Variants in ANTXR1 observed in about 807,000 individuals in gnomAD.
ANTXR1 encodes ANTXR cell adhesion molecule 1, also known as anthrax toxin receptor 1.
In ANTXR1, 19 loss-of-function variants were observed where a neutral mutation model predicts 78.1. The observed-to-expected ratio is 0.24, with a 90% CI of 0.17 to 0.36. The LOEUF (loss-of-function observed/expected upper bound fraction) is 0.36. ANTXR1 is among the 10% of genes least tolerant of loss of function. ANTXR1 has a pLI of 1.00. For synonymous variants in ANTXR1, 273 were observed against 260.5 expected, an observed-to-expected ratio of 1.05 and a Z score of -0.46; for missense variants, 518 against 718.6, an observed-to-expected ratio of 0.72 and a Z score of 3.19.
chr2:69,245,101 C>T (rs1054722329), intron 17 of ANTXR1, 124 bp from the exon 18 acceptor site: 24 of 1,097,926 alleles, frequency 2.2e-5, no homozygotes, highest in African/African-American at 4.6e-5. Context: ...CTATGTGCCA[C>T]TAGAGAGTTG....
At chr2:69,120,870 T>G (rs1362453100) in intron 10 of ANTXR1, among the ~76,000 whole-genome samples, 5 of 152,228 alleles carry the variant, frequency 3.3e-5, no homozygotes, top group African/African-American at 1.2e-4. Flanking sequence ...AGCTTCATCA[T>G]GGCCTATGTG....
intron 3 of ANTXR1, among the ~76,000 whole-genome samples, chr2:69,053,845 A>G (rs1331102727): frequency 6.6e-6 from 1 of 152,188 alleles, no homozygotes; most frequent in Non-Finnish European, 1.5e-5. Context: ...TGGCAACACC[A>G]TCTTTTTAAC....
chr2:69,118,819 G>A (rs1021174963), intron 10 of ANTXR1, among the ~76,000 whole-genome samples: 1 of 152,156 alleles, frequency 6.6e-6, no homozygotes, highest in Non-Finnish European at 1.5e-5. Flanking sequence ...CTGAGTTATG[G>A]AAACCAAATG....
chr2:69,231,159 A>G (rs1353658610), intron 17 of ANTXR1, among the ~76,000 whole-genome samples: 1 of 152,242 alleles, frequency 6.6e-6, no homozygotes, highest in Non-Finnish European at 1.5e-5. Flanking sequence ...ATGGCTGCAT[A>G]GTATTCCATG....
intron 17 of ANTXR1, among the ~76,000 whole-genome samples, chr2:69,205,779 A>G (rs1035891412): frequency 2.6e-5 from 4 of 152,096 alleles, no homozygotes; most frequent in Admixed American, 1.3e-4. Flanking sequence ...TAATAAGGAG[A>G]GAGAATTCAC....
chr2:69,053,838 C>T (rs1455071817), intron 3 of ANTXR1, among the ~76,000 whole-genome samples: 1 of 152,154 alleles, frequency 6.6e-6, no homozygotes, highest in Non-Finnish European at 1.5e-5. Context: ...TACTCACTGG[C>T]AACACCATCT....
chr2:69,184,968 T>C (rs1674383691), intron 16 of ANTXR1, among the ~76,000 whole-genome samples: 1 of 152,210 alleles, frequency 6.6e-6, no homozygotes, highest in Non-Finnish European at 1.5e-5. Context: ...GTGAAACTCC[T>C]TTTGTTCACA....
chr2:69,182,637 C>G lies in ANTXR1; in HGVS notation c.1330C>G (p.Arg444Gly). 4 of 1,614,142 alleles carry G rather than the reference C, an allele frequency of 2.5e-6. No individual in the cohort carries two copies. The highest frequency in any genetic ancestry group is 2.5e-6 in the Non-Finnish European group (3 of 1,180,042). Residue 444 changes from arginine (R) to glycine (G), a missense_variant, in exon 16 of 18, where the codon CGG becomes GGG. Physicochemically the swap from Arg to Gly is moderately radical, Grantham distance 125. This residue lies in a region of ANTXR1 where 192 missense variants were observed against 230.2 expected (regional missense o/e 0.83). Transcript: ENST00000303714. Reference sequence around the variant, plus strand: ...CAATATGCGTCGGCCTTCTTCCCCCCGGAAGTGGTACTCTCCAATCAAGGT... The same window carrying G: ...CAATATGCGTCGGCCTTCTTCCCCCGGGAAGTGGTACTCTCCAATCAAGGT... The part of the protein sequence containing the change: ...NNNMRRPSSP[R>G]KWYSPIKGKL...
chr2:69,099,493 G>A (rs1417277415), intron 9 of ANTXR1, among the ~76,000 whole-genome samples: 1 of 152,186 alleles, frequency 6.6e-6, no homozygotes, highest in African/African-American at 2.4e-5. Flanking sequence ...TAAGGTAACT[G>A]TGTTTAACTT....
intron 17 of ANTXR1, among the ~76,000 whole-genome samples, chr2:69,242,024 C>A (rs905576010): frequency 1.3e-5 from 2 of 152,120 alleles, no homozygotes; most frequent in African/African-American, 4.8e-5. Context: ...GAGCTCTGGG[C>A]TTTTGTGCTC....
chr2:69,120,089 G>A (rs747258362), intron 10 of ANTXR1, among the ~76,000 whole-genome samples: 11 of 152,132 alleles, frequency 7.2e-5, no homozygotes, highest in Non-Finnish European at 1.0e-4. Context: ...AAACATCATC[G>A]CTTAGCCTCG....
At chr2:69,064,087 T>G (rs1670322956) in intron 3 of ANTXR1, among the ~76,000 whole-genome samples, 1 of 152,056 alleles carries the variant, frequency 6.6e-6, no homozygotes, top group Non-Finnish European at 1.5e-5. Context: ...AGACTTACAT[T>G]AAATATAAAA....
Position 69,013,487 on chromosome 2 carries a change from CG to C in ANTXR1, c.-10del. On this transcript the variant is annotated 5_prime_UTR_variant, in exon 1 of 18. Coordinates refer to ENST00000303714, the MANE Select transcript of ANTXR1 (RefSeq NM_032208.3). This position sits in a 1 kb window ranked among gnomAD's most constrained non-coding sequence, Gnocchi z 5.0. ...GGGAAGGAGCGGACCCTGCTCTCCC[CG>C]GGCTGCGGGCCATGGCCACGGCGGA... 2 of 1,586,734 alleles carry C rather than the reference CG, an allele frequency of 1.3e-6. No homozygotes were observed. Among genetic ancestry groups the C allele is most frequent in the South Asian group, 2.3e-5 (2 of 86,472 alleles).
intron 17 of ANTXR1, among the ~76,000 whole-genome samples, chr2:69,199,175 T>C (rs931967252): frequency 2.0e-5 from 3 of 152,220 alleles, no homozygotes; most frequent in Non-Finnish European, 2.9e-5. Flanking sequence ...CAGAATCACC[T>C]AGAAGGTTTG....
chr2:69,102,772 A>C lies in ANTXR1; in HGVS notation c.704-70A>C, dbSNP rs140827902. ...TGGTGAAATAGTGAACAAATGCTCT[A>C]AATCAGGGCAGATGCGAAGCTTAAG... On this transcript the variant is annotated intron_variant, in intron 9 of 17. Transcript: ENST00000303714. The C allele has an allele frequency of 3.5e-6, 5 of 1,429,488 alleles. No homozygotes were observed. The East Asian group carries it at 9.1e-5, about 26-fold the overall frequency. 88.6% of individuals were successfully genotyped at this position (1,429,488 alleles called of 1,614,324 possible).
At chr2:69,215,141 C>T (rs765897145) in intron 17 of ANTXR1, among the ~76,000 whole-genome samples, 13 of 152,188 alleles carry the variant, frequency 8.5e-5, no homozygotes, top group Non-Finnish European at 4.4e-5. Context: ...ACTCTGTATT[C>T]GCCATCTTCA....
intron 12 of ANTXR1, chr2:69,146,307 C>T: frequency 1.0e-6 from 1 of 985,418 alleles, no homozygotes; most frequent in African/African-American, 1.7e-5. Context: ...TGAGAACTCC[C>T]CCCACCACTT....
chr2:69,145,660 A>G (rs1384527390), intron 12 of ANTXR1: 1 of 1,191,562 alleles, frequency 8.4e-7, no homozygotes. Context: ...TGCAGACCCA[A>G]CTTTGAGGTG....
At chr2:69,093,393 T>C (rs1157708721) in intron 9 of ANTXR1, among the ~76,000 whole-genome samples, 1 of 152,186 alleles carries the variant, frequency 6.6e-6, no homozygotes, top group Non-Finnish European at 1.5e-5. Context: ...ACTTAGACAA[T>C]GGAAAATTGC....
Sources: gnomAD v4.1 joint callset for allele counts (sites outside exome capture counted in the v4.1 genomes callset) on GRCh38, gnomAD v4.1.1 for gene constraint, gnomAD v4.1.1 regional missense constraint, Gnocchi (gnomAD v3.1) non-coding constraint, MANE v1.5 for transcripts, NCBI Gene and HGNC (gene_info 2026-07-23, HGNC 2026-07-21) for gene names.